Variants in DOCK10 observed in about 807,000 individuals in gnomAD.
The protein encoded by DOCK10 is dedicator of cytokinesis 10.
Under a neutral mutation model 280.1 loss-of-function variants are expected in DOCK10, and 145 were observed. The ratio of observed to expected loss-of-function variants is 0.52; its 90% CI spans 0.45 to 0.59. The LOEUF is 0.59. DOCK10 is among the 20% of genes least tolerant of loss of function. The probability of loss-of-function intolerance (pLI) is 0.00; values close to 1 mark genes in which losing one functional copy is unlikely to be tolerated. For missense variants in DOCK10, 2,368 were observed against 2,651.7 expected (o/e 0.89, Z 2.35); for synonymous variants, 915 against 942.2 (o/e 0.97, Z 0.53).
chr2:224,794,124 C>T (rs890774289), intron 45 of DOCK10, among the ~76,000 whole-genome samples: 6 of 152,208 alleles, frequency 3.9e-5, no homozygotes, highest in African/African-American at 1.2e-4. Context: ...AGCCCAAGGG[C>T]TTCTCATTCT....
At chr2:225,026,984 G>C (rs931213556) in intron 1 of DOCK10, among the ~76,000 whole-genome samples, 2 of 152,142 alleles carry the variant, frequency 1.3e-5, no homozygotes, top group African/African-American at 4.8e-5. Context: ...CTATCTTTCA[G>C]AGTAGTGATG....
rs556268376 is a variant in DOCK10 at position 224,976,303 on chromosome 2, A to G, written c.124-44635T>C. ...AATGCATGCAGGGCTTAAAACCTAG[A>G]TGATGGGTTGATAGGTGCAGCAAAC... is the stretch of plus-strand genomic sequence containing the variant. On this transcript the variant is annotated intron_variant, in intron 1 of 55. Coordinates refer to ENST00000258390, the MANE Select transcript of DOCK10 (RefSeq NM_014689.3). Among the ~76,000 whole-genome samples, 11 of 152,278 alleles carry G rather than the reference A, an allele frequency of 7.2e-5. No homozygotes were observed. In the South Asian group the frequency reaches 2.3e-3, roughly 32 times the overall value.
intron 1 of DOCK10, among the ~76,000 whole-genome samples, chr2:225,038,006 C>A (rs1690307288): frequency 6.6e-6 from 1 of 152,162 alleles, no homozygotes. Context: ...GGACTTTCCT[C>A]ATATGAAAAC....
intron 26 of DOCK10, 93 bp downstream of exon 26, chr2:224,834,057 G>T: frequency 1.4e-6 from 1 of 734,774 alleles, no homozygotes; most frequent in Non-Finnish European, 2.3e-6. Context: ...AAGAGAAAAA[G>T]TCTATGAAAA....
intron 14 of DOCK10, among the ~76,000 whole-genome samples, chr2:224,859,835 C>A (rs888399988): frequency 2.8e-4 from 43 of 152,214 alleles, no homozygotes; most frequent in Admixed American, 6.5e-4. Flanking sequence ...ACATGGGCAA[C>A]AACCGGCCTT....
chr2:225,038,467 G>A (rs1383162952), intron 1 of DOCK10, among the ~76,000 whole-genome samples: 1 of 152,092 alleles, frequency 6.6e-6, no homozygotes, highest in East Asian at 1.9e-4. Flanking sequence ...ATCAAAAGTG[G>A]TATTATTGGA....
chr2:224,819,328 G>T, intron 29 of DOCK10, 118 bp downstream of exon 29: 2 of 584,074 alleles, frequency 3.4e-6, no homozygotes, highest in Non-Finnish European at 5.8e-6. Context: ...GCCTCTCCTT[G>T]GCATAGAAAT....
intron 1 of DOCK10, among the ~76,000 whole-genome samples, chr2:225,029,461 C>T (rs555167282): frequency 1.3e-5 from 2 of 152,302 alleles, no homozygotes; most frequent in Middle Eastern, 6.8e-3. Context: ...CATGAGCCAC[C>T]ATGCCCGGCC....
chr2:224,821,905 A>G lies in DOCK10; in HGVS notation c.3183+1596T>C, dbSNP rs1196500174. On this transcript the variant is annotated intron_variant, in intron 28 of 55. Coordinates refer to ENST00000258390, the MANE Select transcript of DOCK10 (RefSeq NM_014689.3). ...ATTCTTGTCTCTTTCTGGAAGCAAG[A>G]AAAAAGTAAAAATCAGAGACAAAAC... Among the ~76,000 whole-genome samples, 8 of 152,294 alleles carry G rather than the reference A, an allele frequency of 5.3e-5. No individual in the cohort carries two copies. In the East Asian group the frequency reaches 1.3e-3, roughly 26 times the overall value.
chr2:224,789,336 C>G (rs1448216846), intron 47 of DOCK10, among the ~76,000 whole-genome samples, 166 bp from the exon 48 acceptor site: 1 of 152,148 alleles, frequency 6.6e-6, no homozygotes, highest in Non-Finnish European at 1.5e-5. Context: ...GCCAGGCAAA[C>G]AATATTCCCC....
chr2:224,977,434 A>G lies in DOCK10; in HGVS notation c.124-45766T>C, dbSNP rs540090425. On this transcript the variant is annotated intron_variant, in intron 1 of 55. Transcript: ENST00000258390. ...TCTCTTTCGGGGGAAGGGGAAAGAA[A>G]AAGACTTAAAATGAAGCTAACTTCT... Among the ~76,000 whole-genome samples the G allele has an allele frequency of 1.1e-4, 16 of 152,348 alleles. 1 individual carries two copies. The highest frequency in any genetic ancestry group is 4.1e-4 in the South Asian group (2 of 4,830).
At chr2:224,784,739 C>A (rs1691615623) in intron 50 of DOCK10, 2 of 1,289,668 alleles carry the variant, frequency 1.6e-6, no homozygotes, top group Middle Eastern at 2.1e-4. Context: ...GAACTTACCA[C>A]AGCCTGGAAC....
intron 7 of DOCK10, among the ~76,000 whole-genome samples, chr2:224,877,610 A>T (rs1698722116): frequency 6.6e-6 from 1 of 152,010 alleles, no homozygotes; most frequent in Non-Finnish European, 1.5e-5. Flanking sequence ...AAAATAAGCC[A>T]GTGTGATGAG....
chr2:224,871,253 A>G (rs1698263992), intron 11 of DOCK10, among the ~76,000 whole-genome samples: 2 of 152,174 alleles, frequency 1.3e-5, no homozygotes, highest in Non-Finnish European at 2.9e-5. Flanking sequence ...CCGTGTTACC[A>G]TTTTAGTAAA....
At chr2:224,845,773 G>T (rs1696310385) in intron 19 of DOCK10, 131 bp from the exon 20 acceptor site, 1 of 833,044 alleles carries the variant, frequency 1.2e-6, no homozygotes, top group Admixed American at 2.6e-5. Flanking sequence ...ACCTACGCTG[G>T]AGTGCAATGG....
rs759928462 is a variant in DOCK10, at chr2:224,805,457, T to A, written c.3887A>T (p.Asn1296Ile). 7 of 1,612,726 alleles carry A rather than the reference T, an allele frequency of 4.3e-6. No homozygotes were observed. In the East Asian group the frequency reaches 1.6e-4, roughly 36 times the overall value. Residue 1296 changes from asparagine (N) to isoleucine (I), a missense_variant, in exon 35 of 56, where the codon AAT becomes ATT. Transcript: ENST00000258390. This position sits in a 1 kb window ranked among gnomAD's most constrained non-coding sequence, Gnocchi z 4.3. ...ACTGCTCTTCTCATTGGTACTTGGA[T>A]TGGAGTCAAGACTTGCTAAAGATGC... ...SRASLASLDS[N>I]PSTNEKSSEK...
In DOCK10 at chr2:224,844,856, GT is replaced by G; in HGVS notation, c.2482-18del. ...CCCACCATGCTGCAAAATAAAGTTT[GT>G]TTACTGTCACTGGGACAATTCGAGA... On this transcript the variant is annotated intron_variant, in intron 21 of 55. Transcript: ENST00000258390. 6.4e-7 allele frequency: 1 copy of G among 1,563,550 alleles called. No homozygotes were observed. Among genetic ancestry groups the G allele is most frequent in the South Asian group, 1.1e-5 (1 of 87,392 alleles).
In DOCK10 at chr2:224,774,936, C is replaced by T. The variant is rs760905363; in HGVS notation, c.5982G>A (p.Ala1994=). 111 of 1,605,038 alleles carry T rather than the reference C, an allele frequency of 6.9e-5. No homozygotes were observed. Among genetic ancestry groups the T allele is most frequent in the Non-Finnish European group, 8.4e-5 (99 of 1,175,556 alleles). The change falls in exon 52 of 56, where the codon GCG becomes GCA. Residue 1994 remains alanine, a synonymous_variant. Transcript: ENST00000258390. ...TLSGKKHGGV[A]EQCKRRTILT... The stretch of plus-strand genomic sequence containing the variant: ...GGATCGTCCGCCGCTTGCACTGCTC[C>T]GCCACCCCACCGTGCTTCTTGCCCG...
intron 2 of DOCK10, among the ~76,000 whole-genome samples, chr2:224,926,674 T>C (rs1025811573): frequency 1.3e-5 from 2 of 152,146 alleles, no homozygotes; most frequent in Non-Finnish European, 2.9e-5. Flanking sequence ...TTGAGTTGAG[T>C]TGTGCCAAAG....
Sources: allele counts gnomAD v4.1 joint callset (sites outside exome capture counted in the v4.1 genomes callset), GRCh38; gene constraint gnomAD v4.1.1; non-coding constraint Gnocchi (gnomAD v3.1); transcripts MANE v1.5; gene names NCBI Gene and HGNC (gene_info 2026-07-23, HGNC 2026-07-21).